The following PRELID2 variants were observed in gnomAD, a reference collection of about 807,000 sequenced individuals.
PRELID2 encodes the protein PRELI domain containing 2.
In PRELID2, 25 loss-of-function variants were observed where a neutral mutation model predicts 28.4. The ratio of observed to expected loss-of-function variants is 0.88; its 90% CI spans 0.64 to 1.23. The LOEUF (loss-of-function observed/expected upper bound fraction) is 1.23. PRELID2 is among the 50% of genes most tolerant of loss of function. PRELID2 has a pLI of 0.00. For missense variants in PRELID2, 201 were observed against 214.4 expected (o/e 0.94, Z 0.39); for synonymous variants, 76 against 71.6 (o/e 1.06, Z -0.31).
the PRELID2 span, among the ~76,000 whole-genome samples, chr5:145,355,118 T>C: frequency 6.6e-6 from 1 of 152,156 alleles, no homozygotes; most frequent in South Asian, 2.1e-4. Flanking sequence ...AGTTGCAGTA[T>C]TGTGTTGTAA....
the PRELID2 span, among the ~76,000 whole-genome samples, chr5:145,275,471 C>T: frequency 6.2e-4 from 94 of 152,044 alleles, 1 homozygote; most frequent in East Asian, 0.012. Context: ...GAAAAGGACA[C>T]GAGTGACCCA....
chr5:145,358,138 G>A, the PRELID2 span, among the ~76,000 whole-genome samples: 2 of 152,148 alleles, frequency 1.3e-5, no homozygotes, highest in East Asian at 1.9e-4. Flanking sequence ...TTGCTGAGTC[G>A]GCCCTTATCT....
At chr5:145,315,632 C>T in the PRELID2 span, among the ~76,000 whole-genome samples, 2 of 150,532 alleles carry the variant, frequency 1.3e-5, no homozygotes, top group South Asian at 4.2e-4. Context: ...AATAGCCCAT[C>T]CTCACACATA....
intron 1 of PRELID2, among the ~76,000 whole-genome samples, chr5:145,552,669 C>T (rs1490355620): frequency 1.3e-5 from 2 of 152,032 alleles, no homozygotes; most frequent in Non-Finnish European, 2.9e-5. Flanking sequence ...TTATTCCTGC[C>T]ACCGTTCTTT....
intron 1 of PRELID2, among the ~76,000 whole-genome samples, chr5:145,734,880 A>C (rs926847826): frequency 1.3e-5 from 2 of 152,218 alleles, no homozygotes; most frequent in Admixed American, 6.5e-5. Flanking sequence ...GTGAAAGCTT[A>C]GGCTTTTAAG....
intron 5 of PRELID2, among the ~76,000 whole-genome samples, chr5:145,770,615 G>C (rs1758042467): frequency 6.6e-6 from 1 of 152,174 alleles, no homozygotes; most frequent in Admixed American, 6.5e-5. Flanking sequence ...TGCCCCTGAA[G>C]ACTTTCCAAT....
chr5:145,739,206 A>G (rs1756580928), intron 1 of PRELID2, among the ~76,000 whole-genome samples: 1 of 152,176 alleles, frequency 6.6e-6, no homozygotes, highest in Non-Finnish European at 1.5e-5. Flanking sequence ...AACAATTTAA[A>G]TAAGAAATTT....
At chr5:145,651,365 T>A (rs1754294067) in intron 1 of PRELID2, among the ~76,000 whole-genome samples, 2 of 152,064 alleles carry the variant, frequency 1.3e-5, no homozygotes, top group African/African-American at 2.4e-5. Flanking sequence ...AGCAGAAACC[T>A]CTGCAGACTT....
intron 1 of PRELID2, among the ~76,000 whole-genome samples, chr5:145,706,445 C>T (rs113743768): frequency 0.017 from 2,586 of 152,192 alleles, 59 homozygotes; most frequent in East Asian, 0.075. Flanking sequence ...GTTGGTTTTC[C>T]TTTATAGAAG....
the PRELID2 span, among the ~76,000 whole-genome samples, chr5:145,415,178 A>ACT: frequency 7.2e-5 from 11 of 152,310 alleles, no homozygotes; most frequent in South Asian, 2.3e-3. Flanking sequence ...TGAAAAATTT[A>ACT]CTCATAACAC....
At chr5:145,671,044 A>G (rs1754696643) in intron 1 of PRELID2, among the ~76,000 whole-genome samples, 1 of 152,188 alleles carries the variant, frequency 6.6e-6, no homozygotes, top group African/African-American at 2.4e-5. Context: ...TTTCATAGGT[A>G]TTCAATAAGC....
downstream of PRELID2, among the ~76,000 whole-genome samples, chr5:145,470,478 T>C (rs1752043999): frequency 6.7e-6 from 1 of 149,390 alleles, no homozygotes; most frequent in African/African-American, 2.5e-5. Flanking sequence ...ACTAGTTAGG[T>C]AATTTTTATA....
the PRELID2 span, among the ~76,000 whole-genome samples, chr5:145,413,473 T>C: frequency 2.0e-5 from 3 of 152,168 alleles, no homozygotes. Context: ...AGAATCCCAC[T>C]ACTGAGTATC....
chr5:145,796,334 CTA>C, intron 5 of PRELID2, 106 bp downstream of exon 5: 1 of 567,628 alleles, frequency 1.8e-6, no homozygotes, highest in Non-Finnish European at 3.0e-6. Context: ...TGTTTATTAA[CTA>C]TATGTTTTTC....
At chr5:145,260,368 G>A in the PRELID2 span, among the ~76,000 whole-genome samples, 1 of 152,078 alleles carries the variant, frequency 6.6e-6, no homozygotes, top group African/African-American at 2.4e-5. Flanking sequence ...AATCTACAAA[G>A]TTGAAGACTT....
chr5:145,562,931 CTT>C (rs1443469561), intron 1 of PRELID2, among the ~76,000 whole-genome samples: 4 of 152,090 alleles, frequency 2.6e-5, no homozygotes, highest in African/African-American at 9.7e-5. Flanking sequence ...AGAACTGACT[CTT>C]TATCTCAGGA....
At chr5:145,702,503 A>C (rs1296113185) in intron 1 of PRELID2, among the ~76,000 whole-genome samples, 1 of 152,196 alleles carries the variant, frequency 6.6e-6, no homozygotes, top group Non-Finnish European at 1.5e-5. Flanking sequence ...TGCAAAATGC[A>C]TCAGGATGCT....
chr5:145,414,386 C>T, the PRELID2 span, among the ~76,000 whole-genome samples: 2 of 152,196 alleles, frequency 1.3e-5, no homozygotes, highest in East Asian at 1.9e-4. Context: ...AGTAACCCCC[C>T]AGGCCTGCTG....
At chr5:145,729,088 T>A in intron 1 of PRELID2, 1 of 593,690 alleles carries the variant, frequency 1.7e-6, no homozygotes, top group Non-Finnish European at 3.0e-6. Flanking sequence ...AATGTTTGCT[T>A]TCACTTGGTC....
Sources: allele counts gnomAD v4.1 joint callset (sites outside exome capture counted in the v4.1 genomes callset), GRCh38; gene constraint gnomAD v4.1.1; transcripts MANE v1.5; gene names NCBI Gene and HGNC (gene_info 2026-07-23, HGNC 2026-07-21).